The following NEXMIF variants were observed in gnomAD, a reference collection of about 807,000 sequenced individuals.
NEXMIF encodes the protein neurite extension and migration factor, also known as XLMR protein related to neurite extension.
In NEXMIF, 8 loss-of-function variants were observed where a neutral mutation model predicts 62.1. The ratio of observed to expected loss-of-function variants is 0.13; its 90% CI spans 0.08 to 0.23. The LOEUF is 0.23. Ranked by LOEUF, NEXMIF falls within the 10% of genes least tolerant of loss-of-function variation. The probability of loss-of-function intolerance (pLI) is 1.00; values close to 1 mark genes in which losing one functional copy is unlikely to be tolerated. For missense variants in NEXMIF, 976 were observed against 1,113.3 expected (o/e 0.88, Z 1.75); for synonymous variants, 404 against 416.6 (o/e 0.97, Z 0.37).
At chrX:74,804,497 G>C (rs949338278) in intron 1 of NEXMIF, among the ~76,000 whole-genome samples, 1 of 111,927 alleles carries the variant, frequency 8.9e-6, no homozygotes, top group Non-Finnish European at 1.9e-5. Context: ...GGTCATGCCA[G>C]CATTGTGTCC....
chrX:74,834,442 TTTTA>T (rs1324207385), intron 1 of NEXMIF, among the ~76,000 whole-genome samples: 2 of 111,992 alleles, frequency 1.8e-5, no homozygotes, highest in Non-Finnish European at 3.8e-5. Context: ...ATTGACATCC[TTTTA>T]TTTCAGATTG....
In NEXMIF at chrX:74,740,626, G is replaced by A. The variant is rs145673087; in HGVS notation, c.3931C>T (p.Arg1311Trp). 8.3e-7 allele frequency: 1 copy of A among 1,211,791 alleles called. No homozygotes were observed. Among genetic ancestry groups the A allele is most frequent in the Non-Finnish European group, 1.1e-6 (1 of 895,465 alleles). Residue 1311 changes from arginine (R) to tryptophan (W), a missense_variant, in exon 3 of 4, where the codon CGG becomes TGG. Arg to Trp is a moderately radical substitution (Grantham distance 101). Transcript: ENST00000055682. ...ATATAGGAAGGCTCCTGAAATTCCC[G>A]TTGGTCATCATCCAGAAGGCTGTTG... ...NTNSLLDDDQREFQEPSYILS... is the reference protein window; with the variant it reads ...NTNSLLDDDQWEFQEPSYILS...
intron 1 of NEXMIF, among the ~76,000 whole-genome samples, chrX:74,781,702 G>C (rs2080247572): frequency 9.7e-6 from 1 of 102,718 alleles, no homozygotes. Context: ...GGAGGCCAGT[G>C]ATTTATGTGT....
chrX:74,868,825 G>A (rs941723108), intron 1 of NEXMIF, among the ~76,000 whole-genome samples: 2 of 110,891 alleles, frequency 1.8e-5, no homozygotes, highest in Non-Finnish European at 3.8e-5. Context: ...TAATGAGTTC[G>A]AAGCCATAAT....
intron 1 of NEXMIF, among the ~76,000 whole-genome samples, chrX:74,885,999 C>A (rs896014552): frequency 5.4e-5 from 6 of 111,837 alleles, no homozygotes; most frequent in African/African-American, 1.6e-4. Flanking sequence ...TCAACATATG[C>A]AAATCAATAA....
At chrX:74,809,344 G>A (rs993640766) in intron 1 of NEXMIF, among the ~76,000 whole-genome samples, 1 of 112,206 alleles carries the variant, frequency 8.9e-6, no homozygotes, top group Non-Finnish European at 1.9e-5. Context: ...CTTGTGCCCA[G>A]ATGAAGGCAA....
intron 1 of NEXMIF, among the ~76,000 whole-genome samples, chrX:74,888,503 G>T (rs1217271692): frequency 9.1e-6 from 1 of 109,397 alleles, no homozygotes; most frequent in African/African-American, 3.3e-5. Flanking sequence ...GAGAAAACAT[G>T]GACACAGGGA....
At chrX:74,844,689 C>A (rs768208468) in intron 1 of NEXMIF, among the ~76,000 whole-genome samples, 6 of 111,743 alleles carry the variant, frequency 5.4e-5, no homozygotes, top group Non-Finnish European at 1.1e-4. Flanking sequence ...AATAACAAAT[C>A]GTCTCTATAC....
rs1422288976 is a variant in NEXMIF at position 74,756,228 on chromosome X, T to C, written c.-47-10531A>G. The stretch of plus-strand genomic sequence containing the variant: ...CGCCCGCCTCGGCCTCCCGTAGTGC[T>C]GGGATTACAGGCGTGAGCCACCGCA... On this transcript the variant is annotated intron_variant, in intron 1 of 3. Coordinates refer to ENST00000055682, the MANE Select transcript of NEXMIF (RefSeq NM_001008537.3). Among the ~76,000 whole-genome samples the C allele has an allele frequency of 2.7e-5, 3 of 112,588 alleles. No individual in the cohort carries two copies. In the East Asian group the frequency reaches 8.4e-4, roughly 31 times the overall value.
rs1043231823 is a variant in NEXMIF, at chrX:74,897,316, G to A, written c.-48+27567C>T. 2.7e-5 allele frequency among the ~76,000 whole-genome samples: 3 copies of A among 111,765 alleles called. No individual in the cohort carries two copies. In the Admixed American group the frequency reaches 2.9e-4, roughly 11 times the overall value. On this transcript the variant is annotated intron_variant, in intron 1 of 3. Coordinates refer to ENST00000055682, the MANE Select transcript of NEXMIF (RefSeq NM_001008537.3). ...AACTGCCCTACCTACCTCCCACATG[G>A]GTTAGGAGAGTCAAACTAATAGTTT...
At chrX:74,882,391 T>C (rs1271062042) in intron 1 of NEXMIF, among the ~76,000 whole-genome samples, 2 of 112,088 alleles carry the variant, frequency 1.8e-5, no homozygotes, top group Admixed American at 1.9e-4. Flanking sequence ...GAATTCCCTT[T>C]CCTAGTCAAA....
chrX:74,825,680 G>A (rs768480992), intron 1 of NEXMIF, among the ~76,000 whole-genome samples: 5 of 111,610 alleles, frequency 4.5e-5, no homozygotes, highest in African/African-American at 6.5e-5. Context: ...TCAGCTTCCC[G>A]AGTAGCTGGG....
At chrX:74,807,154 T>C (rs185997764) in intron 1 of NEXMIF, among the ~76,000 whole-genome samples, 2 of 112,513 alleles carry the variant, frequency 1.8e-5, no homozygotes, top group Non-Finnish European at 3.8e-5. Flanking sequence ...CTTGACAACA[T>C]CGAGTCTTTT....
chrX:74,748,341 T>A (rs780880546), intron 1 of NEXMIF, among the ~76,000 whole-genome samples: 3 of 112,055 alleles, frequency 2.7e-5, no homozygotes, highest in Non-Finnish European at 5.6e-5. Flanking sequence ...ATTTTTCAAA[T>A]CTCAGCTATA....
chrX:74,924,597 G>T (rs940458709), intron 1 of NEXMIF, among the ~76,000 whole-genome samples: 3 of 113,404 alleles, frequency 2.6e-5, no homozygotes, highest in Admixed American at 1.8e-4. Flanking sequence ...GCTCCGGTCC[G>T]CTCGCTTCCC....
At chrX:74,921,401 G>A in intron 1 of NEXMIF, among the ~76,000 whole-genome samples, 1 of 112,148 alleles carries the variant, frequency 8.9e-6, no homozygotes, top group East Asian at 2.8e-4. Flanking sequence ...AGAGCCACTT[G>A]TTGTTTGAGA....
chrX:74,885,138 T>A (rs2080685714), intron 1 of NEXMIF, among the ~76,000 whole-genome samples: 1 of 109,846 alleles, frequency 9.1e-6, no homozygotes, highest in Admixed American at 9.7e-5. Context: ...CTGGGACACA[T>A]TCAAAGCAGT....
intron 1 of NEXMIF, among the ~76,000 whole-genome samples, chrX:74,846,395 T>A (rs2080491961): frequency 8.9e-6 from 1 of 111,857 alleles, no homozygotes; most frequent in African/African-American, 3.2e-5. Context: ...CACTAAACCT[T>A]CTCAAGACCA....
At chrX:74,851,864 C>G (rs932835635) in intron 1 of NEXMIF, among the ~76,000 whole-genome samples, 1 of 111,295 alleles carries the variant, frequency 9.0e-6, no homozygotes, top group Admixed American at 9.5e-5. Flanking sequence ...CGGAAAACCA[C>G]CAAACCATAA....
Sources: allele counts gnomAD v4.1 joint callset (sites outside exome capture counted in the v4.1 genomes callset), GRCh38; gene constraint gnomAD v4.1.1; transcripts MANE v1.5; gene names NCBI Gene and HGNC (gene_info 2026-07-23, HGNC 2026-07-21).